TOX2: variants seen among roughly 807,000 people sequenced by gnomAD.
TOX2 encodes granulosa cell HMG box 1.
TOX2 carries 15 observed loss-of-function variants against 47.4 expected under a neutral mutation model. The observed-to-expected ratio is 0.32, with a 90% CI of 0.21 to 0.49. The LOEUF (loss-of-function observed/expected upper bound fraction) is 0.49, where lower values mean the gene tolerates loss of function less well. Among genes scored for constraint, TOX2 ranks in the 20% least tolerant of loss-of-function variants. The probability of loss-of-function intolerance (pLI) is 0.99; values close to 1 mark genes in which losing one functional copy is unlikely to be tolerated. For missense variants in TOX2, 622 were observed against 673.1 expected (o/e 0.92, Z 0.84); for synonymous variants, 290 against 296.6 (o/e 0.98, Z 0.23).
At chr20:43,920,327 A>G (rs1035795718) in intron 1 of TOX2, among the ~76,000 whole-genome samples, 1 of 152,232 alleles carries the variant, frequency 6.6e-6, no homozygotes. Flanking sequence ...ACAAAAATTC[A>G]TGAAGTGGGG....
At position 44,066,006 on chromosome 20, in the gene TOX2, C is replaced by A. The variant is rs778012248; in HGVS notation, c.1255C>A (p.Pro419Thr). 2 of 1,612,686 alleles carry A rather than the reference C, an allele frequency of 1.2e-6. No individual in the cohort carries two copies. Among genetic ancestry groups the A allele is most frequent in the Admixed American group, 3.3e-5 (2 of 59,972 alleles). ...TCACGCCCAGGGCGCCCTCCTCAGT[C>A]CACCTGTTAGCATGTCCCCAGCCCC... The part of the protein sequence containing the change: ...PPHAQGALLS[P>T]PVSMSPAPQP... Residue 419 changes from proline (P) to threonine (T), a missense_variant, in exon 7 of 9, where the codon CCA (proline) becomes ACA (threonine). Pro to Thr is a conservative substitution (Grantham distance 38). Coordinates refer to ENST00000341197, the MANE Select transcript of TOX2 (RefSeq NM_001098797.2).
chr20:44,027,472 C>A (rs757185265), intron 3 of TOX2, among the ~76,000 whole-genome samples: 1 of 152,378 alleles, frequency 6.6e-6, no homozygotes, highest in East Asian at 1.9e-4. Flanking sequence ...GGCCTCTCCG[C>A]CATAGCCTGT....
Position 44,068,711 on chromosome 20 carries a change from G to A in TOX2, c.*25G>A, listed in dbSNP as rs2071880792. On this transcript the variant is annotated 3_prime_UTR_variant, in exon 9 of 9. Transcript: ENST00000341197. ...ATCCCGCCTCCCTACCATCCCTGAG[G>A]CTCGCTGGAAGGCACTGCTCAGAGC... The A allele has an allele frequency of 1.9e-6, 3 of 1,613,890 alleles. No individual in the cohort carries two copies. Among genetic ancestry groups the A allele is most frequent in the Admixed American group, 3.3e-5 (2 of 60,004 alleles).
At chr20:44,001,478 G>A (rs961050011) in intron 2 of TOX2, among the ~76,000 whole-genome samples, 5 of 152,222 alleles carry the variant, frequency 3.3e-5, no homozygotes, top group South Asian at 2.1e-4. Context: ...TCATGTTTGC[G>A]TGCTTAGTTA....
chr20:43,982,587 G>A (rs1245738943), intron 2 of TOX2, among the ~76,000 whole-genome samples: 4 of 151,982 alleles, frequency 2.6e-5, no homozygotes, highest in African/African-American at 9.7e-5. Flanking sequence ...ATTGGCAGGG[G>A]CCTGGTATGC....
At chr20:44,058,901 CCT>C (rs2071669034) in intron 5 of TOX2, among the ~76,000 whole-genome samples, 1 of 152,160 alleles carries the variant, frequency 6.6e-6, no homozygotes, top group Middle Eastern at 3.2e-3. Context: ...CCAGATCTTC[CCT>C]CTGACATAGT....
intron 3 of TOX2, among the ~76,000 whole-genome samples, chr20:44,015,197 T>C (rs2070858623): frequency 6.6e-6 from 1 of 152,156 alleles, no homozygotes. Context: ...GCTTCCTTTG[T>C]ATTTACCAGA....
At chr20:43,997,052 T>C (rs1376598553) in intron 2 of TOX2, among the ~76,000 whole-genome samples, 4 of 152,190 alleles carry the variant, frequency 2.6e-5, no homozygotes, top group Non-Finnish European at 4.4e-5. Flanking sequence ...TCTCCTTTTA[T>C]GCTATACTCC....
chr20:43,952,861 A>C (rs2069604558), intron 1 of TOX2, among the ~76,000 whole-genome samples: 1 of 152,120 alleles, frequency 6.6e-6, no homozygotes, highest in South Asian at 2.1e-4. Flanking sequence ...CTAGGTCCTA[A>C]TCTTTGAAAC....
chr20:44,056,195 A>G (rs887620439), intron 5 of TOX2, among the ~76,000 whole-genome samples: 16 of 152,230 alleles, frequency 1.1e-4, no homozygotes, highest in Non-Finnish European at 2.4e-4. Context: ...TTACTTCTGC[A>G]GCACCCCTGG....
At chr20:44,024,222 T>A (rs2071023034) in intron 3 of TOX2, among the ~76,000 whole-genome samples, 1 of 152,224 alleles carries the variant, frequency 6.6e-6, no homozygotes, top group Non-Finnish European at 1.5e-5. Context: ...TATCTATAAT[T>A]ACACCCTGAT....
chr20:44,003,988 G>C (rs529463828), intron 2 of TOX2, among the ~76,000 whole-genome samples: 12 of 152,288 alleles, frequency 7.9e-5, no homozygotes, highest in Admixed American at 2.6e-4. Context: ...AGAGCAGCCC[G>C]AGTGGCCAAT....
rs189030292 is a variant in TOX2, at chr20:43,924,225, G to A, written c.99+9235G>A. Among the ~76,000 whole-genome samples, 287 of 152,300 alleles carry A rather than the reference G, an allele frequency of 1.9e-3. 2 individuals carry two copies. Among genetic ancestry groups the A allele is most frequent in the African/African-American group, 6.5e-3 (272 of 41,564 alleles). The stretch of plus-strand genomic sequence containing the variant: ...AGGGCCAGCATGTGGATGACTTTTA[G>A]TGATGGTCACTCACTTGCTCAAGGT... On this transcript the variant is annotated intron_variant, in intron 1 of 8. Coordinates refer to ENST00000341197, the MANE Select transcript of TOX2 (RefSeq NM_001098797.2).
intron 3 of TOX2, among the ~76,000 whole-genome samples, chr20:44,040,369 G>A (rs1047958080): frequency 6.6e-6 from 1 of 152,188 alleles, no homozygotes; most frequent in Non-Finnish European, 1.5e-5. Context: ...GGCTGGAGAG[G>A]TGGTTGGACA....
chr20:43,998,770 T>TC (rs1569079520), intron 2 of TOX2, among the ~76,000 whole-genome samples: 1 of 151,718 alleles, frequency 6.6e-6, no homozygotes, highest in Non-Finnish European at 1.5e-5. Context: ...TATCTATCTA[T>TC]TTATTTTAAG....
intron 3 of TOX2, among the ~76,000 whole-genome samples, chr20:44,033,199 G>A (rs529178452): frequency 7.9e-5 from 12 of 152,264 alleles, no homozygotes; most frequent in African/African-American, 1.4e-4. Context: ...AGGCAGGCAC[G>A]GGGGAGGCTT....
intron 3 of TOX2, among the ~76,000 whole-genome samples, chr20:44,027,475 T>C (rs2071084366): frequency 6.6e-6 from 1 of 152,224 alleles, no homozygotes; most frequent in South Asian, 2.1e-4. Context: ...CTCTCCGCCA[T>C]AGCCTGTGCA....
In TOX2 at chr20:43,923,406, A is replaced by G. The variant is rs191930561; in HGVS notation, c.99+8416A>G. On this transcript the variant is annotated intron_variant, in intron 1 of 8. Coordinates refer to ENST00000341197, the MANE Select transcript of TOX2 (RefSeq NM_001098797.2). The stretch of plus-strand genomic sequence containing the variant: ...TACTCTGCTTCTCAAACTTTAGCCC[A>G]CCAGAATCACCTGGAGCACAGTTAA... 3.9e-5 allele frequency among the ~76,000 whole-genome samples: 6 copies of G among 152,302 alleles called. No individual in the cohort carries two copies. The East Asian group carries it at 1.2e-3, about 29-fold the overall frequency.
intron 1 of TOX2, among the ~76,000 whole-genome samples, chr20:43,970,401 C>T (rs2069944066): frequency 6.6e-6 from 1 of 152,252 alleles, no homozygotes; most frequent in Non-Finnish European, 1.5e-5. Flanking sequence ...GGGAATGAAG[C>T]AGATGTTGGC....
Sources: allele counts gnomAD v4.1 joint callset (sites outside exome capture counted in the v4.1 genomes callset), GRCh38; gene constraint gnomAD v4.1.1; transcripts MANE v1.5; gene names NCBI Gene and HGNC (gene_info 2026-07-23, HGNC 2026-07-21).